MGAT4C: variants seen among roughly 807,000 people sequenced by gnomAD.
MGAT4C encodes the protein MGAT4 family member C.
In MGAT4C, 19 loss-of-function variants were observed where a neutral mutation model predicts 40.1. The ratio of observed to expected loss-of-function variants is 0.47; its 90% CI spans 0.33 to 0.70. The LOEUF (loss-of-function observed/expected upper bound fraction) is 0.70, where lower values mean the gene tolerates loss of function less well. Among genes scored for constraint, MGAT4C ranks in the 30% least tolerant of loss-of-function variants. MGAT4C has a pLI of 0.02. For missense variants in MGAT4C, 491 were observed against 563.2 expected (o/e 0.87, Z 1.30); for synonymous variants, 181 against 187.1 (o/e 0.97, Z 0.27).
chr12:86,777,797 G>A (rs1951770138), intron 1 of MGAT4C, among the ~76,000 whole-genome samples: 1 of 152,162 alleles, frequency 6.6e-6, no homozygotes, highest in South Asian at 2.1e-4. Flanking sequence ...ATTTGGAATA[G>A]AAGGATTACC....
At chr12:86,368,843 GA>G (rs1157065758) in intron 3 of MGAT4C, among the ~76,000 whole-genome samples, 3 of 151,972 alleles carry the variant, frequency 2.0e-5, no homozygotes, top group Non-Finnish European at 2.9e-5. Flanking sequence ...CTCTTGAAAA[GA>G]AAATAGATTC....
chr12:86,761,199 A>G lies in MGAT4C; in HGVS notation c.-261-33958T>C, dbSNP rs146199820. ...GGCACTTAGTAAAAAAAATGAAATAAAAGGCCAGCCTTTCTTTGATGAATA... is the reference window on the plus strand; with the variant it reads ...GGCACTTAGTAAAAAAAATGAAATAGAAGGCCAGCCTTTCTTTGATGAATA... On this transcript the variant is annotated intron_variant, in intron 1 of 7. Transcript: ENST00000548651. 1.5e-3 allele frequency among the ~76,000 whole-genome samples: 223 copies of G among 152,296 alleles called. 2 individuals carry two copies. Among genetic ancestry groups the G allele is most frequent in the African/African-American group, 4.8e-3 (198 of 41,574 alleles).
At chr12:86,783,400 CAGA>C (rs1406310102) in intron 1 of MGAT4C, among the ~76,000 whole-genome samples, 1 of 152,048 alleles carries the variant, frequency 6.6e-6, no homozygotes, top group Non-Finnish European at 1.5e-5. Flanking sequence ...TCTCACAACC[CAGA>C]AGAAGATCAG....
chr12:86,234,649 G>C (rs1203551103), intron 1 of MGAT4C, among the ~76,000 whole-genome samples: 1 of 152,070 alleles, frequency 6.6e-6, no homozygotes, highest in Non-Finnish European at 1.5e-5. Flanking sequence ...GGCCGACACT[G>C]GTTGTCCTCT....
At chr12:86,533,148 T>C (rs1161420033) in intron 2 of MGAT4C, among the ~76,000 whole-genome samples, 2 of 152,038 alleles carry the variant, frequency 1.3e-5, no homozygotes, top group East Asian at 3.9e-4. Flanking sequence ...CTTTTAGCGA[T>C]ACAGCAACAT....
At chr12:86,600,747 A>T (rs1193020881) in intron 2 of MGAT4C, among the ~76,000 whole-genome samples, 1 of 152,122 alleles carries the variant, frequency 6.6e-6, no homozygotes, top group Admixed American at 6.5e-5. Context: ...ATCCCAGGGG[A>T]GCCCTGTGCC....
Position 86,355,005 on chromosome 12 carries a change from C to T in MGAT4C, c.-119-20878G>A, listed in dbSNP as rs1209715103. 2.0e-5 allele frequency among the ~76,000 whole-genome samples: 3 copies of T among 152,166 alleles called. No individual in the cohort carries two copies. In the East Asian group the frequency reaches 5.8e-4, roughly 29 times the overall value. ...GCTTTTATTCCCTTATTTGTTCTCG[C>T]CCTTGTCCTACTGATTGGTCCATCT... On this transcript the variant is annotated intron_variant, in intron 3 of 7. Transcript: ENST00000548651.
At chr12:85,997,216 C>G (rs984741636) in intron 2 of MGAT4C, among the ~76,000 whole-genome samples, 4 of 152,140 alleles carry the variant, frequency 2.6e-5, no homozygotes, top group Non-Finnish European at 4.4e-5. Context: ...TATTGTGAGA[C>G]TTATTTACTA....
chr12:86,155,448 T>C (rs1013388900), intron 1 of MGAT4C, among the ~76,000 whole-genome samples: 4 of 152,054 alleles, frequency 2.6e-5, no homozygotes, highest in Non-Finnish European at 5.9e-5. Context: ...ATAGATACAT[T>C]CGTAATGTGG....
intron 2 of MGAT4C, among the ~76,000 whole-genome samples, chr12:86,561,090 G>A (rs1204868250): frequency 6.6e-6 from 1 of 152,086 alleles, no homozygotes; most frequent in African/African-American, 2.4e-5. Context: ...CCAAGGAGGT[G>A]AAAGAAATCA....
At chr12:86,248,690 C>A (rs894018921) in intron 1 of MGAT4C, among the ~76,000 whole-genome samples, 1 of 152,108 alleles carries the variant, frequency 6.6e-6, no homozygotes, top group South Asian at 2.1e-4. Context: ...TACACCACCA[C>A]CACCATCCTT....
intron 2 of MGAT4C, among the ~76,000 whole-genome samples, chr12:86,442,679 G>A (rs903833042): frequency 4.6e-5 from 7 of 151,086 alleles, no homozygotes; most frequent in Non-Finnish European, 8.8e-5. Flanking sequence ...ATTTCTGAGG[G>A]CTCTGTTCTG....
At chr12:86,746,852 C>T (rs1340326633) in intron 1 of MGAT4C, among the ~76,000 whole-genome samples, 8 of 151,402 alleles carry the variant, frequency 5.3e-5, no homozygotes, top group African/African-American at 1.9e-4. Context: ...TTATACTTAC[C>T]CTGGATGTGA....
intron 1 of MGAT4C, among the ~76,000 whole-genome samples, chr12:86,106,602 C>T (rs903326847): frequency 1.3e-5 from 2 of 152,064 alleles, no homozygotes; most frequent in African/African-American, 4.8e-5. Context: ...ATGGCACCTG[C>T]CTTTTCTCTT....
chr12:86,238,699 T>G (rs906347204), intron 1 of MGAT4C, among the ~76,000 whole-genome samples: 1 of 152,182 alleles, frequency 6.6e-6, no homozygotes, highest in East Asian at 1.9e-4. Context: ...GATGTACTTT[T>G]TCAGTCACAA....
At chr12:86,836,351 A>G (rs1010792961) in intron 1 of MGAT4C, among the ~76,000 whole-genome samples, 2 of 152,012 alleles carry the variant, frequency 1.3e-5, no homozygotes, top group African/African-American at 4.8e-5. Flanking sequence ...GTGTGTACCA[A>G]TTAGAGGTCC....
At chr12:85,999,978 T>C (rs549336533) in intron 2 of MGAT4C, among the ~76,000 whole-genome samples, 1 of 152,214 alleles carries the variant, frequency 6.6e-6, no homozygotes, top group Non-Finnish European at 1.5e-5. Flanking sequence ...AACAAAGCAG[T>C]GTATATTTCA....
intron 1 of MGAT4C, among the ~76,000 whole-genome samples, chr12:86,197,467 T>G (rs1356168805): frequency 6.6e-6 from 1 of 152,154 alleles, no homozygotes; most frequent in Non-Finnish European, 1.5e-5. Context: ...GCCCTCATGA[T>G]TGAACTTAGC....
At chr12:86,270,052 TTGTTA>T (rs1217867181) in intron 4 of MGAT4C, among the ~76,000 whole-genome samples, 7 of 151,964 alleles carry the variant, frequency 4.6e-5, no homozygotes, top group Non-Finnish European at 8.8e-5. Context: ...TTGTTTTGTT[TTGTTA>T]TGTTTTGTTT....
Sources: allele counts gnomAD v4.1 joint callset (sites outside exome capture counted in the v4.1 genomes callset), GRCh38; gene constraint gnomAD v4.1.1; transcripts MANE v1.5; gene names NCBI Gene and HGNC (gene_info 2026-07-23, HGNC 2026-07-21).